The following PARP4 variants were observed in gnomAD, a reference collection of about 807,000 sequenced individuals.
The protein encoded by PARP4 is protein mono-ADP-ribosyltransferase PARP4.
A neutral mutation model predicts 187.7 loss-of-function variants in PARP4; 120 were observed. The observed-to-expected ratio is 0.64, with a 90% CI of 0.55 to 0.74. PARP4 has a LOEUF of 0.74. Ranked by LOEUF, PARP4 falls within the 30% of genes least tolerant of loss-of-function variation. PARP4 has a pLI of 0.00. For synonymous variants in PARP4, 654 were observed against 740.9 expected (o/e 0.88, Z 1.90); for missense variants, 1,836 against 2,070.5 (o/e 0.89, Z 2.20).
chr13:24,465,384 A>C (rs1249020086), intron 17 of PARP4, among the ~76,000 whole-genome samples: 1 of 152,240 alleles, frequency 6.6e-6, no homozygotes, highest in African/African-American at 2.4e-5. Flanking sequence ...ACATGGAATC[A>C]ATCCAAATGC....
chr13:24,451,111 C>T lies in PARP4; in HGVS notation c.3015-1294G>A, dbSNP rs138602882. Among the ~76,000 whole-genome samples the T allele has an allele frequency of 1.3e-3, 203 of 152,306 alleles. 2 individuals are homozygous for T. The highest frequency in any genetic ancestry group is 9.9e-4 in the African/African-American group (41 of 41,562). On this transcript the variant is annotated intron_variant, in intron 24 of 33. Coordinates refer to ENST00000381989, the MANE Select transcript of PARP4 (RefSeq NM_006437.4). ...ATCTCCCAGCCCCAGAGTCGGGGCCCGATGTTCGTCCCAGAATAGGCCCTC... is the reference window on the plus strand; with the variant it reads ...ATCTCCCAGCCCCAGAGTCGGGGCCTGATGTTCGTCCCAGAATAGGCCCTC...
chr13:24,499,371 C>T lies in PARP4; in HGVS notation c.407G>A (p.Gly136Asp). Residue 136 changes from glycine (G) to aspartate (D), a missense_variant, in exon 5 of 34, where the codon GGT (glycine) becomes GAT (aspartate). By Grantham distance (94) the Gly-to-Asp change is moderately conservative. Coordinates refer to ENST00000381989, the MANE Select transcript of PARP4 (RefSeq NM_006437.4). ...ATGAGGAATTTCAACATTCTGCATA[C>T]CAAACCTGAAATTTGTAGTGTATAA... Reference protein sequence around the residue: ...EEDTVELTEFGMQNVEIPHLP... With the variant: ...EEDTVELTEFDMQNVEIPHLP... 6.4e-7 allele frequency: 1 copy of T among 1,573,970 alleles called. No individual in the cohort carries two copies.
chr13:24,470,009 G>T lies in PARP4; in HGVS notation c.1931C>A (p.Thr644Lys), dbSNP rs1272101383. 1 of 1,613,168 alleles carries T rather than the reference G, an allele frequency of 6.2e-7. No individual in the cohort carries two copies. Among genetic ancestry groups the T allele is most frequent in the Admixed American group, 1.7e-5 (1 of 59,882 alleles). ...GGGCACGTGACTTTTATTTGTGTAT[G>T]TCTGAAAAACAATGACCTGAAGAAG... ...DTVAQVIVFQTYTNKSHVPIE... is the reference protein window; with the variant it reads ...DTVAQVIVFQKYTNKSHVPIE... The change falls in exon 16 of 34, where the codon ACA (threonine) becomes AAA (lysine). Residue 644 changes from threonine (T) to lysine (K), a missense_variant. By Grantham distance (78) the Thr-to-Lys change is moderately conservative. This residue lies in a region of PARP4 where 1,147 missense variants were observed against 1,214.2 expected (regional missense o/e 0.94). Transcript: ENST00000381989.
At chr13:24,510,351 G>C (rs1024227209) in intron 1 of PARP4, among the ~76,000 whole-genome samples, 1 of 151,838 alleles carries the variant, frequency 6.6e-6, no homozygotes. Context: ...TCAGGAGATC[G>C]AGGCCATCCC....
chr13:24,454,119 C>T (rs1337741462), intron 22 of PARP4, among the ~76,000 whole-genome samples: 2 of 151,882 alleles, frequency 1.3e-5, no homozygotes, highest in Non-Finnish European at 2.9e-5. Context: ...AAAAAATTCA[C>T]CACACTATTT....
intron 30 of PARP4, among the ~76,000 whole-genome samples, chr13:24,437,158 C>T (rs1283553369): frequency 6.6e-6 from 1 of 151,946 alleles, no homozygotes; most frequent in African/African-American, 2.4e-5. Context: ...AAAGGAGGAG[C>T]CATCTGGAAA....
intron 12 of PARP4, among the ~76,000 whole-genome samples, chr13:24,481,761 T>A (rs1873293867): frequency 6.6e-6 from 1 of 152,120 alleles, no homozygotes; most frequent in Non-Finnish European, 1.5e-5. Context: ...GAGTCTGAGG[T>A]GGGATGATCA....
chr13:24,505,602 T>C (rs1869594882), intron 1 of PARP4, among the ~76,000 whole-genome samples: 1 of 152,140 alleles, frequency 6.6e-6, no homozygotes. Flanking sequence ...TTACAAAATG[T>C]TGCAGTTTGT....
intron 33 of PARP4, among the ~76,000 whole-genome samples, chr13:24,421,944 C>G (rs1381016176): frequency 1.3e-5 from 2 of 152,204 alleles, no homozygotes; most frequent in African/African-American, 4.8e-5. Context: ...CTCATTTGTT[C>G]TGTCATCTGC....
At position 24,493,625 on chromosome 13, in the gene PARP4, TG is replaced by T; in HGVS notation, c.849del (p.Lys284SerfsTer3). 1 of 1,613,706 alleles carries T rather than the reference TG, an allele frequency of 6.2e-7. No homozygotes were observed. Among genetic ancestry groups the T allele is most frequent in the African/African-American group, 1.3e-5 (1 of 75,002 alleles). On this transcript the variant is annotated frameshift_variant, in exon 8 of 34. Transcript: ENST00000381989. LOFTEE classifies it high-confidence loss of function. ...EALGHLEHML[L>X]KPVNRISLND... ...TTGAGGCTAATCCTGTTCACTGGCT[TG>T]AGAAGCATGTGTTCCAGGTGGCCCA...
Position 24,459,273 on chromosome 13 carries a change from G to C in PARP4, c.2336C>G (p.Thr779Arg). The C allele has an allele frequency of 1.9e-6, 3 of 1,583,230 alleles. No homozygotes were observed. The highest frequency in any genetic ancestry group is 2.6e-6 in the Non-Finnish European group (3 of 1,161,186). ...VEKICIKEIGTKQSFSLTMSI... is the reference protein window; with the variant it reads ...VEKICIKEIGRKQSFSLTMSI... Reference sequence around the variant, plus strand: ...TATTTTAGGTACTAACCTTTGCTTTGTTCCTATTTCTTTTATACAAATCTT... The same window carrying C: ...TATTTTAGGTACTAACCTTTGCTTTCTTCCTATTTCTTTTATACAAATCTT... The change falls in exon 19 of 34, where the codon ACA becomes AGA. Residue 779 changes from threonine to arginine, a missense_variant. Physicochemically the swap from Thr to Arg is moderately conservative, Grantham distance 71 (BLOSUM62 -1). Around this residue, in one of 8 missense-constraint regions of PARP4, gnomAD observed 1,147 missense variants for 1,214.2 expected, o/e 0.94. Coordinates refer to ENST00000381989, the MANE Select transcript of PARP4 (RefSeq NM_006437.4).
At chr13:24,474,562 T>C (rs548594255) in intron 15 of PARP4, among the ~76,000 whole-genome samples, 1 of 151,068 alleles carries the variant, frequency 6.6e-6, no homozygotes, top group East Asian at 2.0e-4. Context: ...GGCCCAGAGC[T>C]TCCCCCAAGA....
intron 31 of PARP4, among the ~76,000 whole-genome samples, chr13:24,433,826 T>G (rs1300281430): frequency 1.3e-5 from 2 of 152,300 alleles, no homozygotes; most frequent in African/African-American, 4.8e-5. Context: ...ACTAAACTAC[T>G]TGACACCAAA....
intron 15 of PARP4, among the ~76,000 whole-genome samples, chr13:24,472,428 C>T (rs1359731225): frequency 6.6e-6 from 1 of 152,138 alleles, no homozygotes; most frequent in Non-Finnish European, 1.5e-5. Flanking sequence ...CTGCTCTTCT[C>T]ACCCAACGCC....
chr13:24,454,071 T>C (rs914281640), intron 22 of PARP4, among the ~76,000 whole-genome samples: 3 of 147,530 alleles, frequency 2.0e-5, no homozygotes, highest in Non-Finnish European at 4.4e-5. Flanking sequence ...CACTCCAGCC[T>C]GGGCAACAAA....
intron 1 of PARP4, among the ~76,000 whole-genome samples, chr13:24,506,862 C>A (rs895895321): frequency 6.6e-6 from 1 of 152,226 alleles, no homozygotes; most frequent in Non-Finnish European, 1.5e-5. Context: ...GGGCGCCGGC[C>A]GCGCTCCTGC....
chr13:24,427,970 T>C (rs1870141934), intron 32 of PARP4, among the ~76,000 whole-genome samples: 1 of 152,044 alleles, frequency 6.6e-6, no homozygotes, highest in Admixed American at 6.6e-5. Flanking sequence ...ATACCTAATG[T>C]GTATCAGCGT....
chr13:24,454,667 AT>A (rs1871724519), intron 22 of PARP4, among the ~76,000 whole-genome samples: 1 of 152,232 alleles, frequency 6.6e-6, no homozygotes. Flanking sequence ...AGTAGCATTT[AT>A]ATCTCACTTA....
At chr13:24,491,980 T>C (rs1440467653) in intron 9 of PARP4, among the ~76,000 whole-genome samples, 1 of 152,014 alleles carries the variant, frequency 6.6e-6, no homozygotes, top group East Asian at 1.9e-4. Context: ...CTACAGGAAG[T>C]ACAGAGGGAC....
Sources: gnomAD v4.1 joint callset for allele counts (sites outside exome capture counted in the v4.1 genomes callset) on GRCh38, gnomAD v4.1.1 for gene constraint, gnomAD v4.1.1 regional missense constraint, MANE v1.5 for transcripts, NCBI Gene and HGNC (gene_info 2026-07-23, HGNC 2026-07-21) for gene names.